Variants in SYN3 observed in about 807,000 individuals in gnomAD.
SYN3 encodes the protein synapsin-3.
A neutral mutation model predicts 65.8 loss-of-function variants in SYN3; 35 were observed. That is an observed-to-expected ratio of 0.53 (90% CI 0.41 to 0.70). SYN3 has a LOEUF of 0.70. Ranked by LOEUF, SYN3 falls within the 30% of genes least tolerant of loss-of-function variation. The probability of loss-of-function intolerance (pLI) is 0.00; values close to 1 mark genes in which losing one functional copy is unlikely to be tolerated. For synonymous variants in SYN3, 270 were observed against 292.9 expected, an observed-to-expected ratio of 0.92 and a Z score of 0.80; for missense variants, 680 against 749.0, an observed-to-expected ratio of 0.91 and a Z score of 1.08.
intron 7 of SYN3, among the ~76,000 whole-genome samples, chr22:32,560,834 C>T (rs1007694681): frequency 2.0e-5 from 3 of 152,230 alleles, no homozygotes; most frequent in Non-Finnish European, 4.4e-5. Flanking sequence ...CTGTTGGAAG[C>T]CCACTTTCAT....
chr22:32,644,498 C>G (rs2059955620), intron 6 of SYN3, among the ~76,000 whole-genome samples: 1 of 152,154 alleles, frequency 6.6e-6, no homozygotes, highest in South Asian at 2.1e-4. Flanking sequence ...TCAGCATGCC[C>G]TGGCTCCACG....
chr22:32,637,931 G>A (rs2059842084), intron 6 of SYN3, among the ~76,000 whole-genome samples: 1 of 152,078 alleles, frequency 6.6e-6, no homozygotes. Flanking sequence ...GAGCCACCGC[G>A]CCCAGCAACA....
chr22:33,010,789 AT>A (rs1165346359), intron 1 of SYN3, among the ~76,000 whole-genome samples: 2 of 152,134 alleles, frequency 1.3e-5, no homozygotes, highest in African/African-American at 2.4e-5. Context: ...CTACTCAGAA[AT>A]TTTTTTGTGA....
chr22:32,653,565 A>G (rs1283740181), intron 6 of SYN3, among the ~76,000 whole-genome samples: 2 of 152,142 alleles, frequency 1.3e-5, no homozygotes, highest in Non-Finnish European at 2.9e-5. Flanking sequence ...CTCATGGTGT[A>G]TTTTTGGGGA....
chr22:32,516,354 T>G (rs2413123), intron 13 of SYN3, among the ~76,000 whole-genome samples: 79,992 of 146,370 alleles, frequency 0.55, 24,411 homozygotes, highest in East Asian at 0.9. Context: ...TTGATTTATT[T>G]ATTTATTTAT....
At chr22:32,970,792 G>T (rs1474961582) in intron 3 of SYN3, among the ~76,000 whole-genome samples, 1 of 152,188 alleles carries the variant, frequency 6.6e-6, no homozygotes, top group Non-Finnish European at 1.5e-5. Context: ...AAAAGAGTAG[G>T]GTGAGATAGG....
chr22:32,765,657 T>G (rs1057347297), intron 6 of SYN3, among the ~76,000 whole-genome samples: 1 of 151,922 alleles, frequency 6.6e-6, no homozygotes, highest in African/African-American at 2.4e-5. Context: ...CGTTAAGAGT[T>G]TGGGCATGGC....
intron 6 of SYN3, among the ~76,000 whole-genome samples, chr22:32,806,032 C>T (rs1161065710): frequency 6.6e-6 from 1 of 151,698 alleles, no homozygotes; most frequent in Non-Finnish European, 1.5e-5. Context: ...ACCATCAAGC[C>T]ACAGTAATAA....
intron 4 of SYN3, among the ~76,000 whole-genome samples, chr22:32,929,802 T>G (rs1354627435): frequency 6.6e-6 from 1 of 152,154 alleles, no homozygotes; most frequent in Admixed American, 6.5e-5. Flanking sequence ...CTGTCTCCCT[T>G]GCCTCCACTA....
At chr22:32,585,739 A>G (rs9621503) in intron 7 of SYN3, among the ~76,000 whole-genome samples, 80,490 of 151,506 alleles carry the variant, frequency 0.53, 23,362 homozygotes, top group African/African-American at 0.79. Flanking sequence ...TTACACAGAG[A>G]AGCAGGATGA....
At chr22:32,718,878 T>C (rs747456366) in intron 6 of SYN3, among the ~76,000 whole-genome samples, 11 of 152,210 alleles carry the variant, frequency 7.2e-5, no homozygotes, top group Non-Finnish European at 1.6e-4. Flanking sequence ...TATTATACTC[T>C]CCTGTCCCAT....
At chr22:32,565,775 G>A (rs751365842) in intron 7 of SYN3, among the ~76,000 whole-genome samples, 2 of 151,218 alleles carry the variant, frequency 1.3e-5, no homozygotes, top group Admixed American at 1.3e-4. Context: ...GCAGTGGCAC[G>A]ATCTCGGCTC....
At chr22:32,831,850 C>T (rs777358343) in intron 6 of SYN3, among the ~76,000 whole-genome samples, 1 of 152,072 alleles carries the variant, frequency 6.6e-6, no homozygotes. Flanking sequence ...TCACTGCACC[C>T]CCCCCAACCT....
In SYN3 at chr22:32,509,710, A is replaced by G. The variant is rs753399679; in HGVS notation, c.*3982T>C. Among the ~76,000 whole-genome samples the G allele has an allele frequency of 1.4e-3, 213 of 151,948 alleles. 1 individual carries two copies. Among genetic ancestry groups the G allele is most frequent in the Admixed American group, 2.2e-3 (33 of 15,260 alleles). On this transcript the variant is annotated 3_prime_UTR_variant, in exon 14 of 14. Coordinates refer to ENST00000358763, the MANE Select transcript of SYN3 (RefSeq NM_003490.4). ...CAGCCTCCCTAGTAGCTGGGACTAC[A>G]GGCGCCCGCTACCACGCCCGGCTAA...
At chr22:32,817,738 G>T (rs2047125070) in intron 6 of SYN3, among the ~76,000 whole-genome samples, 1 of 152,202 alleles carries the variant, frequency 6.6e-6, no homozygotes, top group African/African-American at 2.4e-5. Flanking sequence ...CTAGGATCTT[G>T]TTTATACCGT....
intron 3 of SYN3, among the ~76,000 whole-genome samples, chr22:32,956,693 G>A (rs1394809292): frequency 6.6e-6 from 1 of 152,118 alleles, no homozygotes; most frequent in East Asian, 1.9e-4. Flanking sequence ...ATGGACATCT[G>A]GGTTGTTTCC....
At chr22:32,720,612 T>G (rs1398293401) in intron 6 of SYN3, among the ~76,000 whole-genome samples, 1 of 152,164 alleles carries the variant, frequency 6.6e-6, no homozygotes, top group Non-Finnish European at 1.5e-5. Flanking sequence ...AATAGCAGTG[T>G]TGGGATTCTC....
chr22:32,569,569 C>A (rs199521629), intron 7 of SYN3, among the ~76,000 whole-genome samples: 30,919 of 73,454 alleles, frequency 0.42, 3,810 homozygotes, highest in Middle Eastern at 0.46. Flanking sequence ...CTCTCTCTCT[C>A]TCTATATATA....
At chr22:33,047,659 C>A (rs570815713) in intron 1 of SYN3, among the ~76,000 whole-genome samples, 1 of 151,646 alleles carries the variant, frequency 6.6e-6, no homozygotes, top group East Asian at 1.9e-4. Flanking sequence ...CCAGAAGTGC[C>A]ACTAATGTGA....
Sources: allele counts gnomAD v4.1 joint callset (sites outside exome capture counted in the v4.1 genomes callset), GRCh38; gene constraint gnomAD v4.1.1; transcripts MANE v1.5; gene names NCBI Gene and HGNC (gene_info 2026-07-23, HGNC 2026-07-21).